The following SMG6 variants were observed in gnomAD, a reference collection of about 807,000 sequenced individuals.
SMG6 encodes SMG6 nonsense mediated mRNA decay factor, also known as telomerase-binding protein EST1A.
Under a neutral mutation model 142.2 loss-of-function variants are expected in SMG6, and 66 were observed. The observed-to-expected ratio is 0.46, with a 90% CI of 0.38 to 0.57. SMG6 has a LOEUF of 0.57. SMG6 is among the 20% of genes least tolerant of loss of function. The pLI is 0.00. For synonymous variants in SMG6, 779 were observed against 702.4 expected, an observed-to-expected ratio of 1.11 and a Z score of -1.72; for missense variants, 1,793 against 1,832.0, an observed-to-expected ratio of 0.98 and a Z score of 0.39.
Position 2,284,351 on chromosome 17 carries a change from T to C in SMG6, c.2338-616A>G, listed in dbSNP as rs192530675. Among the ~76,000 whole-genome samples, 325 of 152,334 alleles carry C rather than the reference T, an allele frequency of 2.1e-3. 5 individuals are homozygous for C. The highest frequency in any genetic ancestry group is 7.1e-3 in the African/African-American group (294 of 41,572). On this transcript the variant is annotated intron_variant, in intron 6 of 18. Coordinates refer to ENST00000263073, the MANE Select transcript of SMG6 (RefSeq NM_017575.5). ...TCAATGATGTTGCCATTGTTATTGA[T>C]AATTTTTTAAAATAAATAAGTAGCT... is the stretch of plus-strand genomic sequence containing the variant.
chr17:2,100,544 T>A (rs1283665281), intron 13 of SMG6, among the ~76,000 whole-genome samples: 1 of 152,214 alleles, frequency 6.6e-6, no homozygotes, highest in Non-Finnish European at 1.5e-5. Context: ...TGAATTAGTA[T>A]TTCTTGAGAT....
At chr17:2,120,407 C>T (rs531428504) in intron 13 of SMG6, among the ~76,000 whole-genome samples, 2 of 152,134 alleles carry the variant, frequency 1.3e-5, no homozygotes, top group Admixed American at 1.3e-4. Context: ...GGAAGATAGG[C>T]AAAAAAGTCA....
Position 2,300,659 on chromosome 17 carries a change from T to A in SMG6, c.94A>T (p.Met32Leu). Residue 32 changes from methionine (M) to leucine (L), a missense_variant, in exon 2 of 19, where the codon ATG (methionine) becomes TTG (leucine). Physicochemically the swap from Met to Leu is conservative, Grantham distance 15. This residue lies in a region of SMG6 where 1,597 missense variants were observed against 1,584.6 expected (regional missense o/e 1.01). Transcript: ENST00000263073. The part of the protein sequence containing the change: ...LAPQAGSREN[M>L]KELKEARPRK... ...GGCCTGGCCTCCTTTAATTCCTTCA[T>A]GTTTTCTGTTATGTCGGGGAAAGAG... 1.3e-6 allele frequency: 2 copies of A among 1,576,302 alleles called. No individual in the cohort carries two copies. Among genetic ancestry groups the A allele is most frequent in the Non-Finnish European group, 8.6e-7 (1 of 1,164,992 alleles).
intron 13 of SMG6, among the ~76,000 whole-genome samples, chr17:2,171,538 T>TTTGTTTGC (rs977329454): frequency 1.7e-5 from 2 of 115,732 alleles, no homozygotes; most frequent in South Asian, 2.8e-4. Context: ...CTAAAAACTG[T>TTTGTTTGC]TTGTTTGCTT....
chr17:2,222,457 G>A (rs1045246988), intron 10 of SMG6, among the ~76,000 whole-genome samples: 1 of 148,882 alleles, frequency 6.7e-6, no homozygotes, highest in Admixed American at 6.9e-5. Context: ...GCTTAGCAGA[G>A]AACTTGCAAG....
chr17:2,214,780 C>T (rs778595615), intron 10 of SMG6, among the ~76,000 whole-genome samples: 2 of 152,144 alleles, frequency 1.3e-5, no homozygotes, highest in Non-Finnish European at 2.9e-5. Flanking sequence ...ACAGAGATAC[C>T]GCTGTCGAAG....
intron 4 of SMG6, among the ~76,000 whole-genome samples, chr17:2,294,815 C>T (rs1206368939): frequency 6.6e-6 from 1 of 151,830 alleles, no homozygotes; most frequent in Non-Finnish European, 1.5e-5. Context: ...GGTTTTTTTT[C>T]AATCTGCACT....
intron 8 of SMG6, among the ~76,000 whole-genome samples, chr17:2,258,946 C>T (rs906833055): frequency 5.3e-5 from 8 of 151,892 alleles, no homozygotes; most frequent in Admixed American, 1.3e-4. Flanking sequence ...GGTGTGGTGG[C>T]ATGTACCTGT....
chr17:2,106,094 A>G (rs1179732212), intron 13 of SMG6, among the ~76,000 whole-genome samples: 1 of 152,220 alleles, frequency 6.6e-6, no homozygotes, highest in Non-Finnish European at 1.5e-5. Flanking sequence ...AAGGAGGAGA[A>G]GAGAGAATAA....
Position 2,085,752 on chromosome 17 carries a change from G to C in SMG6, c.3507C>G (p.Ser1169Arg), listed in dbSNP as rs1366635513. 6.2e-7 allele frequency: 1 copy of C among 1,614,000 alleles called. No individual in the cohort carries two copies. The highest frequency in any genetic ancestry group is 1.7e-5 in the Admixed American group (1 of 59,962). ...CATCTTCCAGTCGTGTTCCCTCTTGGCTTCCCATTTCCTTTCCCATGGTGT... is the reference window on the plus strand; with the variant it reads ...CATCTTCCAGTCGTGTTCCCTCTTGCCTTCCCATTTCCTTTCCCATGGTGT... ...VPDTMGKEMG[S>R]QEGTRLEDEE... The change falls in exon 14 of 19, where the codon AGC becomes AGG. Residue 1169 changes from serine to arginine, a missense_variant. Ser to Arg is a moderately radical substitution (Grantham distance 110). Coordinates refer to ENST00000263073, the MANE Select transcript of SMG6 (RefSeq NM_017575.5). The surrounding 1 kb of genome is among the most constrained non-coding windows in gnomAD (Gnocchi z 4.1).
chr17:2,114,199 G>T (rs973273582), intron 13 of SMG6, among the ~76,000 whole-genome samples: 3 of 152,178 alleles, frequency 2.0e-5, no homozygotes, highest in Non-Finnish European at 4.4e-5. Flanking sequence ...GAACCCAGGA[G>T]GCAGAGGTTG....
At chr17:2,195,422 A>G (rs1285676504) in intron 10 of SMG6, among the ~76,000 whole-genome samples, 3 of 152,144 alleles carry the variant, frequency 2.0e-5, no homozygotes, top group South Asian at 4.1e-4. Flanking sequence ...CTGCCCACCT[A>G]TTTGGAACTT....
chr17:2,258,066 CAT>C (rs1295030105), intron 8 of SMG6, among the ~76,000 whole-genome samples: 9 of 120,556 alleles, frequency 7.5e-5, no homozygotes, highest in African/African-American at 2.8e-4. Context: ...CACACACACA[CAT>C]ATATATACAT....
At chr17:2,124,487 C>T (rs1215625859) in intron 13 of SMG6, among the ~76,000 whole-genome samples, 2 of 152,180 alleles carry the variant, frequency 1.3e-5, no homozygotes, top group African/African-American at 4.8e-5. Flanking sequence ...GGTTCCTCCG[C>T]AGAGAGTCGT....
chr17:2,087,360 C>G, intron 13 of SMG6: 2 of 1,201,296 alleles, frequency 1.7e-6, no homozygotes, highest in Non-Finnish European at 2.1e-6. Context: ...AAGTGCGGCA[C>G]ACACCGGTCA....
chr17:2,219,837 A>G (rs2073124949), intron 10 of SMG6, among the ~76,000 whole-genome samples: 1 of 151,986 alleles, frequency 6.6e-6, no homozygotes, highest in Non-Finnish European at 1.5e-5. Flanking sequence ...GAAAAAGAAA[A>G]AAGAAAAAAT....
intron 13 of SMG6, among the ~76,000 whole-genome samples, chr17:2,135,088 G>A (rs1246360126): frequency 1.3e-5 from 2 of 152,020 alleles, no homozygotes; most frequent in Non-Finnish European, 2.9e-5. Flanking sequence ...CCATGTTGGC[G>A]AGGCTGGTCT....
chr17:2,112,810 T>C (rs1045728527), intron 13 of SMG6, among the ~76,000 whole-genome samples: 1 of 147,944 alleles, frequency 6.8e-6, no homozygotes, highest in African/African-American at 2.5e-5. Flanking sequence ...CAGGCTAGAG[T>C]GCAGTGGCGC....
At chr17:2,284,758 G>C (rs1041776875) in intron 6 of SMG6, among the ~76,000 whole-genome samples, 1 of 152,108 alleles carries the variant, frequency 6.6e-6, no homozygotes, top group South Asian at 2.1e-4. Context: ...AACCTAGAGA[G>C]GTTTCCTTAT....
Sources: gnomAD v4.1 joint callset for allele counts (sites outside exome capture counted in the v4.1 genomes callset) on GRCh38, gnomAD v4.1.1 for gene constraint, gnomAD v4.1.1 regional missense constraint, Gnocchi (gnomAD v3.1) non-coding constraint, MANE v1.5 for transcripts, NCBI Gene and HGNC (gene_info 2026-07-23, HGNC 2026-07-21) for gene names.